EXOC4: variants seen among roughly 807,000 people sequenced by gnomAD.
The protein encoded by EXOC4 is SEC8-like 1.
Under a neutral mutation model 107.2 loss-of-function variants are expected in EXOC4, and 71 were observed. That is an observed-to-expected ratio of 0.66 (90% CI 0.55 to 0.81). The LOEUF is 0.81. Ranked by LOEUF, EXOC4 falls within the 30% of genes least tolerant of loss-of-function variation. The pLI is 0.00. For missense variants in EXOC4, 1,108 were observed against 1,189.6 expected (o/e 0.93, Z 1.01); for synonymous variants, 456 against 441.2 (o/e 1.03, Z -0.42).
chr7:134,068,478 T>C (rs1796216121), downstream of EXOC4, among the ~76,000 whole-genome samples: 3 of 151,748 alleles, frequency 2.0e-5, no homozygotes, highest in Non-Finnish European at 4.4e-5. Flanking sequence ...TCGCCATGAT[T>C]GTGAGGCCTC....
At chr7:133,902,326 T>C (rs1429533835) in intron 12 of EXOC4, among the ~76,000 whole-genome samples, 1 of 152,212 alleles carries the variant, frequency 6.6e-6, no homozygotes, top group Non-Finnish European at 1.5e-5. Flanking sequence ...TCAGGAATTT[T>C]TTTGATCTCA....
intron 13 of EXOC4, among the ~76,000 whole-genome samples, chr7:133,924,259 T>G (rs1351706674): frequency 6.6e-6 from 1 of 152,220 alleles, no homozygotes; most frequent in Non-Finnish European, 1.5e-5. Context: ...GAAGAAAAAT[T>G]ATTTTTTCCC....
intron 5 of EXOC4, among the ~76,000 whole-genome samples, chr7:133,337,349 GTC>G (rs1326903669): frequency 1.3e-5 from 2 of 152,082 alleles, no homozygotes; most frequent in African/African-American, 4.8e-5. Flanking sequence ...ACTATTTGGA[GTC>G]TGGGAATTTT....
intron 10 of EXOC4, among the ~76,000 whole-genome samples, chr7:133,787,173 CT>C (rs3076807): frequency 1.5e-5 from 2 of 133,138 alleles, no homozygotes. Context: ...TTTTTCTTTT[CT>C]TTTTTTTTTT....
chr7:133,295,570 C>A (rs994987327), intron 3 of EXOC4, among the ~76,000 whole-genome samples: 2 of 151,998 alleles, frequency 1.3e-5, no homozygotes, highest in Admixed American at 1.3e-4. Context: ...AGATGTTTGT[C>A]GTCAGAACAT....
At chr7:134,100,466 C>T in the EXOC4 span, among the ~76,000 whole-genome samples, 21,096 of 126,632 alleles carry the variant, frequency 0.17, 5,834 homozygotes, top group African/African-American at 0.4. Context: ...AGGACTGTAT[C>T]TTTAGAGATG....
chr7:134,024,846 G>A (rs1327246994), intron 17 of EXOC4, among the ~76,000 whole-genome samples: 1 of 152,232 alleles, frequency 6.6e-6, no homozygotes, highest in African/African-American at 2.4e-5. Flanking sequence ...GTAACTTCTG[G>A]TTACCTAAGG....
intron 12 of EXOC4, among the ~76,000 whole-genome samples, chr7:133,905,215 C>T (rs879392551): frequency 6.6e-5 from 10 of 152,254 alleles, no homozygotes; most frequent in Admixed American, 6.5e-4. Context: ...CCCATGAAAA[C>T]CTGGGCAGCT....
chr7:133,291,663 G>A (rs1212897007), intron 3 of EXOC4, among the ~76,000 whole-genome samples: 3 of 152,068 alleles, frequency 2.0e-5, no homozygotes, highest in East Asian at 3.9e-4. Flanking sequence ...GATTACAGCC[G>A]TGAGCTACTC....
intron 10 of EXOC4, among the ~76,000 whole-genome samples, chr7:133,680,075 G>A (rs1794154613): frequency 6.6e-6 from 1 of 152,028 alleles, no homozygotes; most frequent in African/African-American, 2.4e-5. Flanking sequence ...CAAATTAGAG[G>A]CTAAAAATCT....
chr7:133,404,881 C>T (rs1367760879), intron 7 of EXOC4, among the ~76,000 whole-genome samples: 1 of 45,542 alleles, frequency 2.2e-5, no homozygotes, highest in Non-Finnish European at 4.0e-5. Context: ...GCCCCCCCCC[C>T]CAATACACAC....
chr7:133,881,262 A>C (rs1798959948), intron 11 of EXOC4, among the ~76,000 whole-genome samples: 7 of 148,588 alleles, frequency 4.7e-5, no homozygotes, highest in South Asian at 2.2e-4. Flanking sequence ...ACGCATACAT[A>C]CCCCCCCAAC....
At chr7:133,493,214 C>G (rs1799409076) in intron 9 of EXOC4, among the ~76,000 whole-genome samples, 1 of 152,130 alleles carries the variant, frequency 6.6e-6, no homozygotes, top group Non-Finnish European at 1.5e-5. Context: ...CACCTGAGGT[C>G]AGCAGTTTGA....
intron 10 of EXOC4, among the ~76,000 whole-genome samples, chr7:133,755,273 TTATATATATTA>T (rs1562984198): frequency 9.6e-6 from 1 of 103,734 alleles, no homozygotes; most frequent in Non-Finnish European, 1.9e-5. Context: ...ATTATATATA[TTATATATATTA>T]TATACATATT....
At chr7:133,716,324 G>C (rs907771885) in intron 10 of EXOC4, among the ~76,000 whole-genome samples, 1 of 152,170 alleles carries the variant, frequency 6.6e-6, no homozygotes, top group African/African-American at 2.4e-5. Context: ...AAATGTAAGG[G>C]CTTGTTATAG....
intron 14 of EXOC4, among the ~76,000 whole-genome samples, chr7:133,991,223 G>A (rs1794251207): frequency 6.6e-6 from 1 of 152,024 alleles, no homozygotes; most frequent in South Asian, 2.1e-4. Flanking sequence ...CTTCTTTTGA[G>A]AAATGTCTAT....
intron 2 of EXOC4, among the ~76,000 whole-genome samples, chr7:133,286,075 T>G (rs1410730536): frequency 1.3e-5 from 2 of 152,144 alleles, no homozygotes; most frequent in African/African-American, 4.8e-5. Context: ...TTAAAAAAAT[T>G]ATTTAATTAT....
intron 10 of EXOC4, among the ~76,000 whole-genome samples, chr7:133,745,373 C>T (rs527825530): frequency 1.3e-5 from 2 of 152,150 alleles, no homozygotes; most frequent in East Asian, 3.9e-4. Context: ...GTTCTTTAAA[C>T]TTACTGTCTA....
At chr7:133,355,847 A>G (rs941451194) in intron 5 of EXOC4, among the ~76,000 whole-genome samples, 4 of 152,224 alleles carry the variant, frequency 2.6e-5, no homozygotes, top group Admixed American at 2.6e-4. Flanking sequence ...TAATCTTTTT[A>G]AAAAATTTAT....
Sources: gnomAD v4.1 joint callset for allele counts (sites outside exome capture counted in the v4.1 genomes callset) on GRCh38, gnomAD v4.1.1 for gene constraint, MANE v1.5 for transcripts, NCBI Gene and HGNC (gene_info 2026-07-23, HGNC 2026-07-21) for gene names.